Variants in CFLAR observed in about 807,000 individuals in gnomAD.
CFLAR encodes CASP8 and FADD-like apoptosis regulator.
Under a neutral mutation model 51.1 loss-of-function variants are expected in CFLAR, and 14 were observed. That is an observed-to-expected ratio of 0.27 (90% CI 0.18 to 0.43). CFLAR has a LOEUF of 0.43. Ranked by LOEUF, CFLAR falls within the 20% of genes least tolerant of loss-of-function variation. CFLAR has a pLI of 1.00. For synonymous variants in CFLAR, 210 were observed against 211.6 expected, an observed-to-expected ratio of 0.99 and a Z score of 0.06; for missense variants, 390 against 566.5, an observed-to-expected ratio of 0.69 and a Z score of 3.16.
Position 201,163,969 on chromosome 2 carries a change from C to G in CFLAR, c.1439C>G (p.Thr480Arg). ...AGAAAGAAACTTATCCTCTCCTACA[C>G]ATAAGAAACCAAAAGGCTGGGCGTA... ...TLRKKLILSY[T>R] The change falls in exon 10 of 10, where the codon ACA becomes AGA. Residue 480 changes from threonine to arginine, a missense_variant. This residue lies in a region of CFLAR where 287 missense variants were observed against 363.6 expected (regional missense o/e 0.79). Transcript: ENST00000309955. 1.9e-6 allele frequency: 3 copies of G among 1,612,276 alleles called. No individual in the cohort carries two copies. In the South Asian group the frequency reaches 3.3e-5, roughly 18 times the overall value.
chr2:201,127,423 G>A (rs2125643691), intron 1 of CFLAR, among the ~76,000 whole-genome samples: 1 of 152,248 alleles, frequency 6.6e-6, no homozygotes, highest in South Asian at 2.1e-4. Flanking sequence ...GGAAGGCTGA[G>A]GTAGGAGAAT....
In CFLAR at chr2:201,172,613, G is replaced by C. The variant is rs948258116; in HGVS notation, c.*8640G>C. On this transcript the variant is annotated 3_prime_UTR_variant, in exon 10 of 10. Transcript: ENST00000309955. ...CTCTAGAAACAATAATCCATTTTCT[G>C]TCTCTATGATTTGCCTGTTCTAGAT... 6.6e-6 allele frequency: 1 copy of C among 152,086 alleles called. No homozygotes were observed. Among genetic ancestry groups the C allele is most frequent in the African/African-American group, 2.4e-5 (1 of 41,402 alleles). The allele number at this position is 152,086 out of a possible 1,614,324, so 9.4% of individuals were successfully genotyped here.
intron 4 of CFLAR, chr2:201,137,941 C>T: frequency 1.3e-6 from 1 of 759,494 alleles, no homozygotes; most frequent in African/African-American, 1.7e-5. Context: ...AGGGCCTTGA[C>T]CACATGCCCC....
At chr2:201,147,236 A>G (rs980149509) in intron 6 of CFLAR, among the ~76,000 whole-genome samples, 12 of 152,114 alleles carry the variant, frequency 7.9e-5, no homozygotes, top group Non-Finnish European at 5.9e-5. Flanking sequence ...AATAAAAGAA[A>G]AAGGTTTCTG....
Position 201,138,822 on chromosome 2 carries a change from G to T in CFLAR, c.524-1535G>T. ...ACCTCCCATCAGAGCCATCACGATG[G>T]CCAGGTCGGCCTCTGTCACAGTGTC... On this transcript the variant is annotated intron_variant, in intron 4 of 9. Coordinates refer to ENST00000309955, the MANE Select transcript of CFLAR (RefSeq NM_003879.7). This position sits in a 1 kb window ranked among gnomAD's most constrained non-coding sequence, Gnocchi z 4.0. The T allele has an allele frequency of 1.3e-6, 1 of 745,186 alleles. No individual in the cohort carries two copies. The highest frequency in any genetic ancestry group is 1.3e-5 in the South Asian group (1 of 74,350). 46.2% of individuals were successfully genotyped at this position (745,186 alleles called of 1,614,324 possible). A position where few individuals can be genotyped will look rare whatever the true frequency, so the allele number is the denominator to read the frequency against.
chr2:201,125,910 T>A (rs962733445), intron 1 of CFLAR, among the ~76,000 whole-genome samples: 1 of 152,098 alleles, frequency 6.6e-6, no homozygotes, highest in African/African-American at 2.4e-5. Flanking sequence ...CAACCATCCC[T>A]GTTTGCCTGG....
rs1943503772 is a variant in CFLAR at position 201,165,984 on chromosome 2, TAC to T, written c.*2015_*2016del. The T allele has an allele frequency of 4.9e-6, 1 of 202,672 alleles. No homozygotes were observed. Among genetic ancestry groups the T allele is most frequent in the Non-Finnish European group, 9.8e-6 (1 of 101,824 alleles). 12.6% of individuals were successfully genotyped at this position (202,672 alleles called of 1,614,324 possible). A position where few individuals can be genotyped will look rare whatever the true frequency, so the allele number is the denominator to read the frequency against. ...GAAGTCTCCCATGTCTACTTCTTTC[TAC>T]ACAGACACAGCAACAATCTGATTTC... On this transcript the variant is annotated 3_prime_UTR_variant, in exon 10 of 10. Transcript: ENST00000309955.
intron 5 of CFLAR, among the ~76,000 whole-genome samples, chr2:201,141,221 ACT>A (rs1320122717): frequency 1.3e-5 from 2 of 151,912 alleles, no homozygotes; most frequent in South Asian, 2.1e-4. Flanking sequence ...CAAGAGCAAA[ACT>A]CTGTCTCAAA....
chr2:201,163,771 C>A, intron 9 of CFLAR, 64 bp from the exon 10 acceptor site: 1 of 1,560,228 alleles, frequency 6.4e-7, no homozygotes, highest in South Asian at 1.2e-5. Flanking sequence ...TCATTTCGCC[C>A]TAATGACAGT....
chr2:201,142,393 T>C (rs573817911), intron 5 of CFLAR, among the ~76,000 whole-genome samples: 2 of 152,228 alleles, frequency 1.3e-5, no homozygotes, highest in Admixed American at 1.3e-4. Flanking sequence ...GAGACACTAC[T>C]GAGCAATGCA....
Position 201,164,092 on chromosome 2 carries a change from C to A in CFLAR, c.*119C>A. On this transcript the variant is annotated 3_prime_UTR_variant, in exon 10 of 10. Coordinates refer to ENST00000309955, the MANE Select transcript of CFLAR (RefSeq NM_003879.7). ...ACCAGCCTGGCCAACATGGTAAACG[C>A]TGTCCCTAGTAAAAATACAAAAATT... 1 of 709,752 alleles carries A rather than the reference C, an allele frequency of 1.4e-6. No individual in the cohort carries two copies. Among genetic ancestry groups the A allele is most frequent in the Non-Finnish European group, 2.2e-6 (1 of 450,446 alleles). 44.0% of individuals were successfully genotyped at this position (709,752 alleles called of 1,614,324 possible).
chr2:201,131,394 T>C (rs761857349), intron 2 of CFLAR, among the ~76,000 whole-genome samples: 38 of 152,090 alleles, frequency 2.5e-4, no homozygotes, highest in Admixed American at 3.9e-4. Context: ...CACCACTATG[T>C]CTGGCTAATT....
chr2:201,117,577 C>G (rs1201723014), intron 1 of CFLAR, among the ~76,000 whole-genome samples: 1 of 152,088 alleles, frequency 6.6e-6, no homozygotes, highest in Non-Finnish European at 1.5e-5. Context: ...TTTTGGACAT[C>G]AACAAACTGC....
chr2:201,170,206 C>T lies in CFLAR; in HGVS notation c.*6233C>T, dbSNP rs915713391. ...ATAGCAAAGACACAATAGCAAATGC[C>T]CATCAAAGATAGACTGGATAAAGAA... On this transcript the variant is annotated 3_prime_UTR_variant, in exon 10 of 10. Coordinates refer to ENST00000309955, the MANE Select transcript of CFLAR (RefSeq NM_003879.7). The T allele has an allele frequency of 2.6e-5, 4 of 152,132 alleles. No homozygotes were observed. The allele number at this position is 152,132 out of a possible 1,614,324, so 9.4% of individuals were successfully genotyped here.
chr2:201,141,669 A>C (rs1175154006), intron 5 of CFLAR: 14 of 1,221,178 alleles, frequency 1.1e-5, no homozygotes, highest in Non-Finnish European at 1.3e-5. Flanking sequence ...TGAGTGATGA[A>C]ACAAAAGATT....
In CFLAR at chr2:201,169,540, G is replaced by A. The variant is rs1370813648; in HGVS notation, c.*5567G>A. 6.6e-6 allele frequency: 1 copy of A among 152,032 alleles called. No individual in the cohort carries two copies. Among genetic ancestry groups the A allele is most frequent in the Admixed American group, 6.6e-5 (1 of 15,266 alleles). The allele number at this position is 152,032 out of a possible 1,614,324, so 9.4% of individuals were successfully genotyped here. On this transcript the variant is annotated 3_prime_UTR_variant, in exon 10 of 10. Coordinates refer to ENST00000309955, the MANE Select transcript of CFLAR (RefSeq NM_003879.7). ...CTATTTAATACCATTCAAGACATAG[G>A]CACAAGCAAAGGTTTCATGACAAAA... is the stretch of plus-strand genomic sequence containing the variant.
chr2:201,132,884 C>A, intron 2 of CFLAR, 145 bp from the exon 3 acceptor site: 1 of 699,120 alleles, frequency 1.4e-6, no homozygotes, highest in Non-Finnish European at 2.3e-6. Context: ...GTGATCTAGG[C>A]TTGCTGTTTT....
At chr2:201,152,703 T>G (rs2125874614) in intron 8 of CFLAR, 1 of 151,946 alleles carries the variant, frequency 6.6e-6, no homozygotes, top group Middle Eastern at 3.4e-3. Context: ...CTTGAGAGGG[T>G]TATCCAACTT....
intron 2 of CFLAR, among the ~76,000 whole-genome samples, chr2:201,132,430 A>AAAATATAT (rs34318341): frequency 7.2e-6 from 1 of 137,960 alleles, no homozygotes; most frequent in African/African-American, 2.8e-5. Context: ...GGGGGGGAAA[A>AAAATATAT]ATATATATAT....
Sources: allele counts gnomAD v4.1 joint callset (sites outside exome capture counted in the v4.1 genomes callset), GRCh38; gene constraint gnomAD v4.1.1; regional missense constraint gnomAD v4.1.1; non-coding constraint Gnocchi (gnomAD v3.1); transcripts MANE v1.5; gene names NCBI Gene and HGNC (gene_info 2026-07-23, HGNC 2026-07-21).